The following FERMT2 variants were observed in gnomAD, a reference collection of about 807,000 sequenced individuals.
FERMT2 encodes the protein fermitin family homolog 2.
In FERMT2, 15 loss-of-function variants were observed where a neutral mutation model predicts 82.7. The observed-to-expected ratio is 0.18, with a 90% CI of 0.12 to 0.28. The LOEUF is 0.28. Among genes scored for constraint, FERMT2 ranks in the 10% least tolerant of loss-of-function variants. The pLI is 1.00. For missense variants in FERMT2, 645 were observed against 809.4 expected (o/e 0.80, Z 2.46); for synonymous variants, 274 against 271.5 (o/e 1.01, Z -0.09).
chr14:52,882,689 T>C (rs1886360834), intron 4 of FERMT2, among the ~76,000 whole-genome samples: 1 of 152,166 alleles, frequency 6.6e-6, no homozygotes, highest in Admixed American at 6.5e-5. Flanking sequence ...CCTTTCCTAC[T>C]ATTTTTAACT....
chr14:52,928,012 T>G (rs1273801956), intron 2 of FERMT2: 7 of 389,904 alleles, frequency 1.8e-5, no homozygotes, highest in Admixed American at 1.6e-4. Context: ...GTTGATCAAA[T>G]AACTTACTTT....
At chr14:52,916,599 C>T (rs561487045) in intron 3 of FERMT2, among the ~76,000 whole-genome samples, 39 of 152,174 alleles carry the variant, frequency 2.6e-4, no homozygotes, top group African/African-American at 9.2e-4. Flanking sequence ...TGTACAATAC[C>T]ACAACAGTAG....
chr14:52,858,639 T>C (rs889652107), intron 14 of FERMT2, 89 bp from the exon 15 acceptor site: 8 of 1,199,240 alleles, frequency 6.7e-6, no homozygotes, highest in African/African-American at 1.5e-5. Flanking sequence ...AAGTCTGTCA[T>C]ATCACAAAAC....
At chr14:52,902,777 G>A (rs1402778221) in intron 3 of FERMT2, among the ~76,000 whole-genome samples, 1 of 146,108 alleles carries the variant, frequency 6.8e-6, no homozygotes, top group East Asian at 2.1e-4. Flanking sequence ...GCTGAGGCAG[G>A]AGAATCACTT....
intron 3 of FERMT2, among the ~76,000 whole-genome samples, chr14:52,896,061 G>A (rs1358855300): frequency 1.3e-5 from 2 of 152,090 alleles, no homozygotes; most frequent in Non-Finnish European, 1.5e-5. Flanking sequence ...TTTTTAAAAT[G>A]TATTTAAAAA....
intron 6 of FERMT2, among the ~76,000 whole-genome samples, chr14:52,879,609 C>G (rs1293230171): frequency 1.3e-5 from 2 of 151,944 alleles, no homozygotes; most frequent in Non-Finnish European, 2.9e-5. Flanking sequence ...ATGATGTGGC[C>G]TGAAAATGAA....
intron 3 of FERMT2, among the ~76,000 whole-genome samples, chr14:52,917,727 G>C (rs932675251): frequency 1.3e-5 from 2 of 152,160 alleles, no homozygotes; most frequent in African/African-American, 4.8e-5. Flanking sequence ...AATAATGAGT[G>C]ATTCTTGAAG....
At chr14:52,950,337 C>T in intron 2 of FERMT2, 75 bp downstream of exon 2, 2 of 1,461,052 alleles carry the variant, frequency 1.4e-6, no homozygotes, top group East Asian at 2.4e-5. Flanking sequence ...GGGCCCCTCC[C>T]CCGTCGTGAG....
chr14:52,909,595 C>G (rs1329119549), intron 3 of FERMT2, among the ~76,000 whole-genome samples: 4 of 151,658 alleles, frequency 2.6e-5, no homozygotes, highest in Non-Finnish European at 5.9e-5. Flanking sequence ...CAGGACCAGC[C>G]TGGCCAACAT....
intron 4 of FERMT2, among the ~76,000 whole-genome samples, chr14:52,887,143 T>G (rs1886658976): frequency 1.3e-5 from 2 of 151,982 alleles, no homozygotes; most frequent in South Asian, 4.1e-4. Context: ...CAGCACTTTT[T>G]TTTTTTTTTT....
intron 2 of FERMT2, among the ~76,000 whole-genome samples, chr14:52,949,213 G>T (rs1333944144): frequency 6.6e-6 from 1 of 151,970 alleles, no homozygotes; most frequent in Admixed American, 6.6e-5. Flanking sequence ...TCCTGCAGGG[G>T]TACAAAGCAG....
At chr14:52,877,574 C>CTTTAATTTTT (rs771194186) in intron 7 of FERMT2, among the ~76,000 whole-genome samples, 9 of 67,060 alleles carry the variant, frequency 1.3e-4, no homozygotes, top group African/African-American at 5.5e-4. Context: ...GCTGTTCTTG[C>CTTTAATTTTT]TTTTTTTTTT....
At chr14:52,927,590 TATAAA>T (rs1889348695) in intron 2 of FERMT2, among the ~76,000 whole-genome samples, 3 of 11,788 alleles carry the variant, frequency 2.5e-4, no homozygotes, top group African/African-American at 7.6e-4. Context: ...ACCTCATCCC[TATAAA>T]AAAAAAAAAA....
chr14:52,909,730 G>A (rs1452266409), intron 3 of FERMT2, among the ~76,000 whole-genome samples: 1 of 152,054 alleles, frequency 6.6e-6, no homozygotes, highest in South Asian at 2.1e-4. Flanking sequence ...GGAGGCTGCA[G>A]TACAAAAAAG....
chr14:52,875,841 C>T (rs1385551456), intron 7 of FERMT2, among the ~76,000 whole-genome samples: 2 of 152,190 alleles, frequency 1.3e-5, no homozygotes, highest in Non-Finnish European at 2.9e-5. Flanking sequence ...TAAAACTCCA[C>T]TTTTTCCCCA....
chr14:52,880,694 G>A (rs1014489742), intron 6 of FERMT2, among the ~76,000 whole-genome samples: 4 of 151,892 alleles, frequency 2.6e-5, no homozygotes, highest in Non-Finnish European at 4.4e-5. Context: ...CACTGCACCC[G>A]GCCTAAACTT....
chr14:52,927,343 T>C (rs1318061102), intron 2 of FERMT2, among the ~76,000 whole-genome samples: 3 of 152,076 alleles, frequency 2.0e-5, no homozygotes, highest in African/African-American at 7.2e-5. Context: ...CTTTATGCAA[T>C]TCCAGCTTGC....
chr14:52,860,656 CTT>C (rs943039013), intron 12 of FERMT2, 191 bp from the exon 13 acceptor site: 58 of 589,454 alleles, frequency 9.8e-5, no homozygotes, highest in African/African-American at 9.6e-4. Context: ...CAAAATAAGT[CTT>C]AATTTCAGTT....
intron 2 of FERMT2, among the ~76,000 whole-genome samples, chr14:52,926,362 AT>A (rs929809636): frequency 6.6e-6 from 1 of 151,590 alleles, no homozygotes; most frequent in Non-Finnish European, 1.5e-5. Context: ...AACATTTCTG[AT>A]TTCCAGAATG....
Sources: gnomAD v4.1 joint callset for allele counts (sites outside exome capture counted in the v4.1 genomes callset) on GRCh38, gnomAD v4.1.1 for gene constraint, MANE v1.5 for transcripts, NCBI Gene and HGNC (gene_info 2026-07-23, HGNC 2026-07-21) for gene names.